TAFA2: variants seen among roughly 807,000 people sequenced by gnomAD.
TAFA2 encodes chemokine-like protein TAFA-2.
Under a neutral mutation model 18.8 loss-of-function variants are expected in TAFA2, and 7 were observed. The ratio of observed to expected loss-of-function variants is 0.37; its 90% CI spans 0.21 to 0.70. The LOEUF is 0.70. TAFA2 is among the 30% of genes least tolerant of loss of function. The pLI is 0.53. For missense variants in TAFA2, 122 were observed against 158.1 expected, an observed-to-expected ratio of 0.77 and a Z score of 1.23; for synonymous variants, 60 against 54.2, an observed-to-expected ratio of 1.11 and a Z score of -0.47.
At position 61,749,333 on chromosome 12, in the gene TAFA2, A is replaced by G. The variant is rs139155579; in HGVS notation, c.384+4289T>C. 2.1e-3 allele frequency among the ~76,000 whole-genome samples: 322 copies of G among 152,142 alleles called. 3 individuals are homozygous for G. The highest frequency in any genetic ancestry group is 7.2e-3 in the African/African-American group (299 of 41,550). ...TGTACACTACTCATTCCTCCATTCA[A>G]TGGCATACTCCTTGTGGGCTTGGAT... On this transcript the variant is annotated intron_variant, in intron 4 of 4. Coordinates refer to ENST00000416284, the MANE Select transcript of TAFA2 (RefSeq NM_178539.5).
chr12:62,115,339 G>A (rs913698684), intron 1 of TAFA2, among the ~76,000 whole-genome samples: 4 of 152,058 alleles, frequency 2.6e-5, no homozygotes, highest in African/African-American at 9.7e-5. Flanking sequence ...AATTCACACT[G>A]CACTGATTTT....
chr12:61,943,592 T>C (rs1592503926), intron 1 of TAFA2, among the ~76,000 whole-genome samples: 1 of 149,702 alleles, frequency 6.7e-6, no homozygotes, highest in Non-Finnish European at 1.5e-5. Context: ...AGGCTCAAAA[T>C]AAAAGGATGG....
intron 3 of TAFA2, among the ~76,000 whole-genome samples, chr12:61,754,531 A>G (rs1439499544): frequency 1.3e-5 from 2 of 151,840 alleles, no homozygotes; most frequent in Non-Finnish European, 1.5e-5. Flanking sequence ...ATAATATTAA[A>G]TCATCCATTT....
intron 1 of TAFA2, among the ~76,000 whole-genome samples, chr12:61,968,048 C>G (rs1158747074): frequency 6.6e-6 from 1 of 151,772 alleles, no homozygotes; most frequent in African/African-American, 2.4e-5. Flanking sequence ...ATTTTACTAT[C>G]ATTTACAAAC....
At chr12:61,783,953 A>T (rs1333989084) in intron 2 of TAFA2, among the ~76,000 whole-genome samples, 1 of 151,604 alleles carries the variant, frequency 6.6e-6, no homozygotes, top group Non-Finnish European at 1.5e-5. Flanking sequence ...TAATAAACTC[A>T]GCACAATCAA....
At chr12:62,017,577 G>A (rs771210708) in intron 1 of TAFA2, among the ~76,000 whole-genome samples, 3 of 152,054 alleles carry the variant, frequency 2.0e-5, no homozygotes, top group Admixed American at 6.6e-5. Flanking sequence ...AGTTGGCCAC[G>A]TGGTGAAATA....
chr12:61,983,394 TTTG>T (rs1352816678), intron 1 of TAFA2, among the ~76,000 whole-genome samples: 1 of 148,888 alleles, frequency 6.7e-6, no homozygotes, highest in African/African-American at 2.6e-5. Flanking sequence ...TTTGTTTTGT[TTTG>T]TTTTGTTTTG....
chr12:62,053,559 G>A (rs1472934264), intron 1 of TAFA2, among the ~76,000 whole-genome samples: 3 of 152,104 alleles, frequency 2.0e-5, no homozygotes. Flanking sequence ...TTTGAAATAC[G>A]TATTGTTTAC....
Position 61,927,178 on chromosome 12 carries a change from A to G in TAFA2, c.-1-59752T>C, listed in dbSNP as rs1877339953. 3.9e-5 allele frequency among the ~76,000 whole-genome samples: 6 copies of G among 152,120 alleles called. 1 individual carries two copies. In the South Asian group the frequency reaches 1.2e-3, roughly 32 times the overall value. On this transcript the variant is annotated intron_variant, in intron 1 of 4. Coordinates refer to ENST00000416284, the MANE Select transcript of TAFA2 (RefSeq NM_178539.5). ...ATTCTGGGCAGGGCAATCAGGCAAC[A>G]GAAAGAAATAAAGCGTATTCAAATA...
At chr12:62,028,187 T>C (rs1002153778) in intron 1 of TAFA2, among the ~76,000 whole-genome samples, 2 of 152,188 alleles carry the variant, frequency 1.3e-5, no homozygotes, top group Non-Finnish European at 2.9e-5. Context: ...TCTCAAGGAA[T>C]GTATCCAAAG....
chr12:62,022,815 A>T (rs983986551), intron 1 of TAFA2, among the ~76,000 whole-genome samples: 2 of 152,156 alleles, frequency 1.3e-5, no homozygotes, highest in Admixed American at 1.3e-4. Context: ...AGTGTCTATC[A>T]TGTGCCAGTA....
chr12:61,902,188 T>C (rs1876135740), intron 1 of TAFA2, among the ~76,000 whole-genome samples: 1 of 150,266 alleles, frequency 6.7e-6, no homozygotes, highest in African/African-American at 2.5e-5. Context: ...GTCTACAAAA[T>C]GATGTAATTG....
intron 1 of TAFA2, among the ~76,000 whole-genome samples, chr12:62,063,548 C>A (rs1358034132): frequency 6.6e-6 from 1 of 152,056 alleles, no homozygotes; most frequent in Non-Finnish European, 1.5e-5. Context: ...AGAAAAGGCA[C>A]CTTTGATAGA....
chr12:62,121,312 A>T (rs1870186544), intron 1 of TAFA2, among the ~76,000 whole-genome samples: 1 of 152,168 alleles, frequency 6.6e-6, no homozygotes, highest in Admixed American at 6.6e-5. Context: ...TTCAAGTCAG[A>T]TATTTAAAAA....
rs530273027 is a variant in TAFA2, at chr12:62,239,639, T to C, written c.-130+19124A>G. 1.4e-3 allele frequency among the ~76,000 whole-genome samples: 217 copies of C among 152,266 alleles called. 7 individuals carry two copies. Among genetic ancestry groups the C allele is most frequent in the Admixed American group, 0.014 (215 of 15,288 alleles). Reference sequence around the variant, plus strand: ...TCCCTCTTTTAACCTAGCCACCATGTTGTGAAAAAAGAAAAACAGCTGCTT... The same window carrying C: ...TCCCTCTTTTAACCTAGCCACCATGCTGTGAAAAAAGAAAAACAGCTGCTT... On this transcript the variant is annotated intron_variant, in intron 1 of 5. Coordinates refer to the TAFA2 transcript ENST00000551619.
chr12:61,757,378 G>A (rs556273972), intron 2 of TAFA2, among the ~76,000 whole-genome samples: 1 of 151,986 alleles, frequency 6.6e-6, no homozygotes, highest in East Asian at 1.9e-4. Context: ...GGATAGAGAA[G>A]GCCTAGGAAA....
intron 1 of TAFA2, among the ~76,000 whole-genome samples, chr12:61,916,628 C>T (rs1367430251): frequency 6.6e-6 from 1 of 152,092 alleles, no homozygotes; most frequent in Non-Finnish European, 1.5e-5. Flanking sequence ...CATGCTTTTG[C>T]TTTTTCATGT....
At chr12:61,972,562 T>G (rs10877771) in intron 1 of TAFA2, among the ~76,000 whole-genome samples, 25,129 of 151,502 alleles carry the variant, frequency 0.17, 2,752 homozygotes, top group African/African-American at 0.29. Context: ...TATAGAGGAA[T>G]TAGGACTGGG....
intron 1 of TAFA2, among the ~76,000 whole-genome samples, chr12:62,249,740 G>A (rs964920044): frequency 1.3e-5 from 2 of 152,190 alleles, no homozygotes; most frequent in Non-Finnish European, 1.5e-5. Flanking sequence ...GGGTGCAAAA[G>A]TGTGAGGTCT....
Sources: allele counts gnomAD v4.1 joint callset (sites outside exome capture counted in the v4.1 genomes callset), GRCh38; gene constraint gnomAD v4.1.1; transcripts MANE v1.5; gene names NCBI Gene and HGNC (gene_info 2026-07-23, HGNC 2026-07-21).